Variants in EGFR observed in about 807,000 individuals in gnomAD.
EGFR encodes epidermal growth factor receptor.
EGFR carries 58 observed loss-of-function variants against 143.0 expected under a neutral mutation model. The ratio of observed to expected loss-of-function variants is 0.41; its 90% CI spans 0.33 to 0.50. The LOEUF (loss-of-function observed/expected upper bound fraction) is 0.50. EGFR is among the 20% of genes least tolerant of loss of function. The pLI is 0.39. For synonymous variants in EGFR, 613 were observed against 594.4 expected (o/e 1.03, Z -0.45); for missense variants, 1,307 against 1,579.0 (o/e 0.83, Z 2.92).
chr7:55,177,150 T>C (rs571509134), intron 19 of EGFR, among the ~76,000 whole-genome samples: 1 of 152,160 alleles, frequency 6.6e-6, no homozygotes, highest in Admixed American at 6.5e-5. Context: ...GCGACAAGCC[T>C]GGAGTGTTCC....
At chr7:55,170,628 C>G (rs1786301482) in intron 15 of EGFR, 2 of 1,602,044 alleles carry the variant, frequency 1.2e-6, no homozygotes, top group Admixed American at 1.7e-5. Context: ...CAAGAGTATC[C>G]TACCCATTTC....
chr7:55,196,193 T>TTTTTTTTTTTTA (rs1554354441), intron 22 of EGFR, among the ~76,000 whole-genome samples: 8 of 141,218 alleles, frequency 5.7e-5, no homozygotes, highest in African/African-American at 2.1e-4. Context: ...TTTTTTTTTT[T>TTTTTTTTTTTTA]ACTTTTCAAT....
In EGFR at chr7:55,073,746, A is replaced by G. The variant is rs983808714; in HGVS notation, c.88+54381A>G. Among the ~76,000 whole-genome samples, 40 of 152,188 alleles carry G rather than the reference A, an allele frequency of 2.6e-4. 1 individual carries two copies. The highest frequency in any genetic ancestry group is 3.9e-4 in the Admixed American group (6 of 15,280). ...CCTGTTCTTTTGCACCCTGTTAATT[A>G]CATAGAGACATTCACAGCTCTTCTG... On this transcript the variant is annotated intron_variant, in intron 1 of 27. Transcript: ENST00000275493.
chr7:55,082,955 C>T, intron 1 of EGFR, among the ~76,000 whole-genome samples: 1 of 152,228 alleles, frequency 6.6e-6, no homozygotes, highest in South Asian at 2.1e-4. Context: ...CCGATCTCCA[C>T]CTCTATCCTC....
chr7:55,028,855 T>C (rs961119732), intron 1 of EGFR, among the ~76,000 whole-genome samples: 5 of 152,134 alleles, frequency 3.3e-5, no homozygotes, highest in Admixed American at 1.3e-4. Context: ...TCCAAACATA[T>C]GACAGATAAA....
intron 14 of EGFR, 80 bp from the exon 15 acceptor site, chr7:55,165,200 A>G: frequency 6.2e-7 from 1 of 1,605,548 alleles, no homozygotes; most frequent in Non-Finnish European, 8.5e-7. Context: ...CACACTAAAT[A>G]TTTTAAGTAA....
intron 2 of EGFR, among the ~76,000 whole-genome samples, 163 bp from the exon 3 acceptor site, chr7:55,143,142 T>C (rs771390628): frequency 6.6e-6 from 1 of 152,216 alleles, no homozygotes; most frequent in Non-Finnish European, 1.5e-5. Flanking sequence ...ACATGCTGCC[T>C]CCTGTGTCCA....
chr7:55,139,130 G>C (rs750730517), intron 1 of EGFR, among the ~76,000 whole-genome samples: 8 of 152,262 alleles, frequency 5.3e-5, no homozygotes, highest in Non-Finnish European at 8.8e-5. Context: ...ACGCACTTTG[G>C]AAAACACATT....
intron 1 of EGFR, among the ~76,000 whole-genome samples, chr7:55,022,686 T>C (rs11770506): frequency 0.32 from 48,070 of 152,164 alleles, 8,596 homozygotes; most frequent in East Asian, 0.67. Flanking sequence ...GTGGTTTGTG[T>C]GTTAGACCCA....
At chr7:55,152,231 CT>C in intron 5 of EGFR, 2 of 512,056 alleles carry the variant, frequency 3.9e-6, no homozygotes, top group South Asian at 3.2e-5. Flanking sequence ...TTAGGCCCTT[CT>C]AAACACTACT....
At chr7:55,079,588 T>TTTTG (rs141268796) in intron 1 of EGFR, among the ~76,000 whole-genome samples, 5 of 151,774 alleles carry the variant, frequency 3.3e-5, no homozygotes, top group South Asian at 2.1e-4. Flanking sequence ...TATGGCGTTT[T>TTTTG]TTTGTTTGTT....
At chr7:55,019,940 A>G (rs1786437402) in intron 1 of EGFR, among the ~76,000 whole-genome samples, 1 of 152,126 alleles carries the variant, frequency 6.6e-6, no homozygotes, top group South Asian at 2.1e-4. Context: ...CCCTCCGCGC[A>G]GGTCTCAAAC....
At chr7:55,144,492 G>C (rs989825914) in intron 3 of EGFR, among the ~76,000 whole-genome samples, 2 of 152,188 alleles carry the variant, frequency 1.3e-5, no homozygotes, top group Non-Finnish European at 2.9e-5. Context: ...GGTAGGAAAG[G>C]GGTGTGATGA....
intron 15 of EGFR, chr7:55,170,553 C>G (rs768740350): frequency 1.2e-6 from 2 of 1,612,732 alleles, no homozygotes; most frequent in African/African-American, 1.3e-5. Context: ...GAGCCTCATG[C>G]CTTCACGTGT....
At chr7:55,061,088 A>G in intron 1 of EGFR, among the ~76,000 whole-genome samples, 1 of 152,192 alleles carries the variant, frequency 6.6e-6, no homozygotes, top group East Asian at 1.9e-4. Flanking sequence ...CTGTATCTGT[A>G]CCAGCAATAT....
intron 1 of EGFR, among the ~76,000 whole-genome samples, chr7:55,066,639 T>A (rs1460282614): frequency 6.6e-6 from 1 of 152,236 alleles, no homozygotes; most frequent in Non-Finnish European, 1.5e-5. Flanking sequence ...GTTGCTATTG[T>A]GAAAGTCAGC....
At chr7:55,193,252 C>G (rs1044249800) in intron 22 of EGFR, among the ~76,000 whole-genome samples, 1 of 152,170 alleles carries the variant, frequency 6.6e-6, no homozygotes, top group African/African-American at 2.4e-5. Flanking sequence ...ATGAACTACC[C>G]TGGCCCTTAT....
intron 1 of EGFR, 78 bp from the exon 2 acceptor site, chr7:55,142,208 T>C (rs987340703): frequency 6.4e-6 from 10 of 1,569,422 alleles, no homozygotes; most frequent in African/African-American, 1.4e-5. Flanking sequence ...CCTTAATACC[T>C]GGACCTTGAG....
intron 6 of EGFR, 68 bp downstream of exon 6, chr7:55,152,732 C>A: frequency 2.3e-6 from 3 of 1,320,546 alleles, no homozygotes; most frequent in Middle Eastern, 1.9e-4. Flanking sequence ...CACACCAGGA[C>A]AGAAGACTTC....
Sources: gnomAD v4.1 joint callset for allele counts (sites outside exome capture counted in the v4.1 genomes callset) on GRCh38, gnomAD v4.1.1 for gene constraint, MANE v1.5 for transcripts, NCBI Gene and HGNC (gene_info 2026-07-23, HGNC 2026-07-21) for gene names.